DPP10: variants seen among roughly 807,000 people sequenced by gnomAD.
DPP10 encodes the protein dipeptidyl peptidase like 10.
In DPP10, 33 loss-of-function variants were observed where a neutral mutation model predicts 120.9. The ratio of observed to expected loss-of-function variants is 0.27; its 90% CI spans 0.21 to 0.37. The LOEUF is 0.37. Ranked by LOEUF, DPP10 falls within the 10% of genes least tolerant of loss-of-function variation. The probability of loss-of-function intolerance (pLI) is 1.00; values close to 1 mark genes in which losing one functional copy is unlikely to be tolerated. For synonymous variants in DPP10, 337 were observed against 326.1 expected (o/e 1.03, Z -0.36); for missense variants, 816 against 942.8 (o/e 0.87, Z 1.76).
intron 15 of DPP10, 141 bp from the exon 16 acceptor site, chr2:115,780,732 TG>T: frequency 1.7e-6 from 1 of 602,714 alleles, no homozygotes; most frequent in Non-Finnish European, 2.7e-6. Context: ...TTTATGTATA[TG>T]GTGATTCATA....
chr2:114,561,384 C>T (rs533393269), intron 1 of DPP10, among the ~76,000 whole-genome samples: 2 of 152,300 alleles, frequency 1.3e-5, no homozygotes, highest in South Asian at 4.1e-4. Context: ...CACACATGCA[C>T]ACACCACATA....
At chr2:114,740,449 T>C (rs1490806369) in intron 1 of DPP10, among the ~76,000 whole-genome samples, 1 of 150,406 alleles carries the variant, frequency 6.6e-6, no homozygotes, top group Non-Finnish European at 1.5e-5. Context: ...ATGGCACATG[T>C]ATACATATGT....
intron 1 of DPP10, among the ~76,000 whole-genome samples, chr2:114,579,941 A>G (rs1311344564): frequency 2.0e-5 from 3 of 152,214 alleles, no homozygotes; most frequent in Admixed American, 2.0e-4. Context: ...GCATTCTAAA[A>G]TGTGAATTTG....
intron 1 of DPP10, among the ~76,000 whole-genome samples, chr2:115,288,791 C>A (rs1227077275): frequency 6.6e-6 from 1 of 151,940 alleles, no homozygotes; most frequent in Admixed American, 6.6e-5. Context: ...AAGAAACATA[C>A]CTCAAAGTAA....
At chr2:115,707,690 CATAAA>C (rs2092173986) in intron 7 of DPP10, among the ~76,000 whole-genome samples, 1 of 151,504 alleles carries the variant, frequency 6.6e-6, no homozygotes, top group South Asian at 2.1e-4. Context: ...AACTATGGTA[CATAAA>C]ATAATAAAAT....
intron 5 of DPP10, among the ~76,000 whole-genome samples, chr2:115,638,084 T>TAGAAA (rs2086497837): frequency 6.6e-6 from 1 of 152,202 alleles, no homozygotes; most frequent in African/African-American, 2.4e-5. Flanking sequence ...ATTTGTGAAA[T>TAGAAA]CTCTAGAATT....
chr2:115,735,652 C>G (rs1047177240), intron 8 of DPP10, among the ~76,000 whole-genome samples: 1 of 146,538 alleles, frequency 6.8e-6, no homozygotes, highest in African/African-American at 2.5e-5. Flanking sequence ...ACCTGAGTAA[C>G]TGGCATTACA....
At chr2:114,838,086 C>T (rs1687880438) in intron 1 of DPP10, among the ~76,000 whole-genome samples, 1 of 152,238 alleles carries the variant, frequency 6.6e-6, no homozygotes, top group East Asian at 1.9e-4. Context: ...AAGATCACCA[C>T]ACATGGAAGG....
chr2:114,995,876 A>G lies in DPP10; in HGVS notation c.61-313363A>G, dbSNP rs749299203. ...TACTATTTCTCATATACATTTTTAG[A>G]ATAAAAATTACCCATAAATTTGCAA... On this transcript the variant is annotated intron_variant, in intron 1 of 25. Coordinates refer to ENST00000410059, the MANE Select transcript of DPP10 (RefSeq NM_020868.6). Among the ~76,000 whole-genome samples the G allele has an allele frequency of 6.6e-5, 10 of 152,304 alleles. 1 individual carries two copies. In the Middle Eastern group the frequency reaches 0.02, roughly 311 times the overall value.
chr2:114,882,217 A>G (rs34456865), intron 1 of DPP10, among the ~76,000 whole-genome samples: 61,657 of 152,070 alleles, frequency 0.41, 13,885 homozygotes, highest in South Asian at 0.54. Context: ...ATATGCTTAT[A>G]GAAGCACAAT....
chr2:114,798,613 TGCTGGAAGCCAGGAGG>T (rs1683915942), intron 1 of DPP10, among the ~76,000 whole-genome samples: 1 of 152,044 alleles, frequency 6.6e-6, no homozygotes, highest in African/African-American at 2.4e-5. Context: ...TAAAGTGCAG[TGCTGGAAGCCAGGAGG>T]GCAGGCACCC....
chr2:115,345,528 A>G (rs1207668138), intron 3 of DPP10, among the ~76,000 whole-genome samples: 2 of 152,150 alleles, frequency 1.3e-5, no homozygotes, highest in Non-Finnish European at 2.9e-5. Context: ...CAGTAGTATT[A>G]TGAGTTGTTA....
chr2:115,249,529 C>T (rs772831660), intron 1 of DPP10, among the ~76,000 whole-genome samples: 3 of 152,122 alleles, frequency 2.0e-5, no homozygotes, highest in Non-Finnish European at 4.4e-5. Flanking sequence ...TGAGGCAAGT[C>T]ATTTCATACC....
intron 5 of DPP10, among the ~76,000 whole-genome samples, chr2:115,652,216 T>C (rs958943073): frequency 1.3e-5 from 2 of 151,968 alleles, no homozygotes; most frequent in African/African-American, 4.8e-5. Context: ...AAGTTTATGG[T>C]TTAAGTACAA....
At chr2:114,881,041 C>G (rs919497863) in intron 1 of DPP10, among the ~76,000 whole-genome samples, 2 of 152,084 alleles carry the variant, frequency 1.3e-5, no homozygotes, top group African/African-American at 2.4e-5. Flanking sequence ...GGTTTGTGTA[C>G]TCAATCCCAT....
intron 1 of DPP10, among the ~76,000 whole-genome samples, chr2:114,533,012 GCAGAGTGGA>G (rs1372295366): frequency 6.6e-6 from 1 of 152,200 alleles, no homozygotes; most frequent in African/African-American, 2.4e-5. Context: ...AGGAAGCATG[GCAGAGTGGA>G]CAGGATATTT....
At chr2:115,151,414 C>T (rs72837539) in intron 1 of DPP10, among the ~76,000 whole-genome samples, 4,579 of 141,156 alleles carry the variant, frequency 0.032, 93 homozygotes, top group Non-Finnish European at 0.051. Context: ...CTTTCTTATA[C>T]TTTTTTTTTT....
At chr2:115,186,308 A>G (rs1443538453) in intron 1 of DPP10, among the ~76,000 whole-genome samples, 1 of 152,326 alleles carries the variant, frequency 6.6e-6, no homozygotes, top group East Asian at 1.9e-4. Flanking sequence ...GGGACAATAA[A>G]CATTTATAGA....
intron 1 of DPP10, among the ~76,000 whole-genome samples, chr2:114,717,302 A>G (rs1480895082): frequency 6.6e-6 from 1 of 152,206 alleles, no homozygotes; most frequent in Non-Finnish European, 1.5e-5. Flanking sequence ...CTGTTTTGTG[A>G]TTGATCTATG....
Sources: gnomAD v4.1 joint callset for allele counts (sites outside exome capture counted in the v4.1 genomes callset) on GRCh38, gnomAD v4.1.1 for gene constraint, MANE v1.5 for transcripts, NCBI Gene and HGNC (gene_info 2026-07-23, HGNC 2026-07-21) for gene names.